The following DDR2 variants were observed in gnomAD, a reference collection of about 807,000 sequenced individuals.
DDR2 encodes discoidin domain receptor tyrosine kinase 2, also known as discoidin domain-containing receptor 2.
Under a neutral mutation model 94.9 loss-of-function variants are expected in DDR2, and 27 were observed. The observed-to-expected ratio is 0.28, with a 90% CI of 0.21 to 0.39. The LOEUF (loss-of-function observed/expected upper bound fraction) is 0.39. Among genes scored for constraint, DDR2 ranks in the 10% least tolerant of loss-of-function variants. DDR2 has a pLI of 1.00. For missense variants in DDR2, 783 were observed against 1,076.0 expected, an observed-to-expected ratio of 0.73 and a Z score of 3.81; for synonymous variants, 382 against 377.2, an observed-to-expected ratio of 1.01 and a Z score of -0.15.
intron 2 of DDR2, among the ~76,000 whole-genome samples, chr1:162,674,891 T>C (rs1054256462): frequency 2.0e-5 from 3 of 152,090 alleles, no homozygotes. Context: ...TGGTGGCTCA[T>C]GCCTGTAATC....
At chr1:162,634,221 T>C (rs938731406) in intron 1 of DDR2, among the ~76,000 whole-genome samples, 1 of 152,230 alleles carries the variant, frequency 6.6e-6, no homozygotes. Context: ...TTTCTGGGTC[T>C]TTGGTATATA....
chr1:162,696,951 T>C lies in DDR2; in HGVS notation c.-27-22086T>C, dbSNP rs1435003256. Among the ~76,000 whole-genome samples the C allele has an allele frequency of 2.6e-5, 4 of 152,220 alleles. No individual in the cohort carries two copies. In the South Asian group the frequency reaches 6.2e-4, roughly 24 times the overall value. ...AGCTGCCCAGAGTCCACTTCTCTGC[T>C]GAGATTTCTATTATACAAGAGATTC... On this transcript the variant is annotated intron_variant, in intron 2 of 17. Transcript: ENST00000367921.
At chr1:162,741,227 TATA>T (rs1380797148) in intron 3 of DDR2, among the ~76,000 whole-genome samples, 1 of 140,988 alleles carries the variant, frequency 7.1e-6, no homozygotes, top group East Asian at 2.0e-4. Context: ...TATAATATAA[TATA>T]ATATAATATA....
chr1:162,780,108 A>G lies in DDR2; in HGVS notation c.2434-4A>G. The G allele has an allele frequency of 6.2e-7, 1 of 1,613,912 alleles. No homozygotes were observed. The highest frequency in any genetic ancestry group is 1.1e-5 in the South Asian group (1 of 91,080). On this transcript the variant is annotated splice_polypyrimidine_tract_variant and splice_region_variant and intron_variant, in intron 17 of 17. Transcript: ENST00000367921. Reference sequence around the variant, plus strand: ...TTTGTTTTCCTTTATTTTTGTTCCCAAAGACTTACCTCCCTCAACCAGCCA... The same window carrying G: ...TTTGTTTTCCTTTATTTTTGTTCCCGAAGACTTACCTCCCTCAACCAGCCA...
At chr1:162,769,199 C>T (rs1007758445) in intron 11 of DDR2, among the ~76,000 whole-genome samples, 2 of 152,182 alleles carry the variant, frequency 1.3e-5, no homozygotes, top group Non-Finnish European at 2.9e-5. Context: ...GTAGAGCAAA[C>T]ATTTTGCCCT....
chr1:162,711,137 A>T (rs1306765729), intron 2 of DDR2, among the ~76,000 whole-genome samples: 1 of 152,226 alleles, frequency 6.6e-6, no homozygotes, highest in Non-Finnish European at 1.5e-5. Flanking sequence ...CTTTTTACAC[A>T]AGCTGTATTC....
At chr1:162,718,320 A>G (rs1661261649) in intron 2 of DDR2, among the ~76,000 whole-genome samples, 1 of 152,168 alleles carries the variant, frequency 6.6e-6, no homozygotes, top group South Asian at 2.1e-4. Flanking sequence ...GAAGAATGTT[A>G]TTAGAAATCA....
intron 1 of DDR2, among the ~76,000 whole-genome samples, chr1:162,639,801 A>G (rs1657033734): frequency 6.6e-6 from 1 of 152,210 alleles, no homozygotes; most frequent in Non-Finnish European, 1.5e-5. Context: ...CATTCAGTAG[A>G]AATAGTACTT....
rs929812880 is a variant in DDR2 at position 162,739,178 on chromosome 1, A to G, written c.83-13917A>G. ...CCATCAGAGTGAACAGGCAACCTAC[A>G]ACATGGGAGAAAATTTTCGCAACCT... is the stretch of plus-strand genomic sequence containing the variant. On this transcript the variant is annotated intron_variant, in intron 3 of 17. Transcript: ENST00000367921. 8.9e-4 allele frequency among the ~76,000 whole-genome samples: 121 copies of G among 136,396 alleles called. 3 individuals carry two copies. In the East Asian group the frequency reaches 0.025, roughly 28 times the overall value. The allele number at this position is 136,396 out of a possible 152,430, so 89.5% of individuals were successfully genotyped here.
At chr1:162,760,588 A>G (rs1037535053) in intron 8 of DDR2, among the ~76,000 whole-genome samples, 2 of 148,800 alleles carry the variant, frequency 1.3e-5, no homozygotes, top group African/African-American at 4.9e-5. Context: ...ATATACAACT[A>G]GATATATGTA....
chr1:162,715,317 G>A (rs939419796), intron 2 of DDR2, among the ~76,000 whole-genome samples: 1 of 152,130 alleles, frequency 6.6e-6, no homozygotes, highest in Non-Finnish European at 1.5e-5. Context: ...GAGAAACTAT[G>A]ATCATTTCTA....
intron 2 of DDR2, among the ~76,000 whole-genome samples, chr1:162,664,225 C>CT (rs538876577): frequency 1.5e-4 from 23 of 152,094 alleles, no homozygotes; most frequent in Non-Finnish European, 2.8e-4. Context: ...ACAGGAAAAA[C>CT]TGCTTTCATT....
At chr1:162,733,384 T>C (rs1662152119) in intron 3 of DDR2, among the ~76,000 whole-genome samples, 1 of 152,202 alleles carries the variant, frequency 6.6e-6, no homozygotes, top group Admixed American at 6.5e-5. Flanking sequence ...AGTGCCACGT[T>C]GGTTGCCCTG....
intron 2 of DDR2, among the ~76,000 whole-genome samples, chr1:162,696,746 C>T (rs908482148): frequency 1.3e-5 from 2 of 152,150 alleles, no homozygotes; most frequent in Admixed American, 1.3e-4. Flanking sequence ...TTGCTGTTTG[C>T]CCAACTCTTC....
chr1:162,715,017 A>G (rs1439963947), intron 2 of DDR2, among the ~76,000 whole-genome samples: 1 of 152,212 alleles, frequency 6.6e-6, no homozygotes, highest in Non-Finnish European at 1.5e-5. Flanking sequence ...TTCTGTTCAC[A>G]TGTCACATTG....
At chr1:162,768,272 A>G (rs771934955) in intron 11 of DDR2, among the ~76,000 whole-genome samples, 1 of 152,232 alleles carries the variant, frequency 6.6e-6, no homozygotes, top group Middle Eastern at 3.4e-3. Context: ...CCAAATAGCA[A>G]CTCACTGCTG....
intron 3 of DDR2, among the ~76,000 whole-genome samples, chr1:162,730,756 G>A (rs1416505545): frequency 1.3e-5 from 2 of 152,120 alleles, no homozygotes; most frequent in Non-Finnish European, 2.9e-5. Flanking sequence ...TCTGTGTCCT[G>A]TCCGACTCTC....
chr1:162,778,524 G>A (rs2102205425), intron 16 of DDR2, 56 bp from the exon 17 acceptor site: 1 of 1,606,638 alleles, frequency 6.2e-7, no homozygotes, highest in Non-Finnish European at 8.5e-7. Flanking sequence ...AAATTTAACA[G>A]GGTGTTGTTG....
At chr1:162,726,728 C>T (rs933468936) in intron 3 of DDR2, among the ~76,000 whole-genome samples, 20 of 152,212 alleles carry the variant, frequency 1.3e-4, no homozygotes, top group African/African-American at 4.8e-4. Context: ...CTCAGTTTTG[C>T]TCAGGGCTCT....
Sources: gnomAD v4.1 joint callset for allele counts (sites outside exome capture counted in the v4.1 genomes callset) on GRCh38, gnomAD v4.1.1 for gene constraint, MANE v1.5 for transcripts, NCBI Gene and HGNC (gene_info 2026-07-23, HGNC 2026-07-21) for gene names.